TMEM135: variants seen among roughly 807,000 people sequenced by gnomAD.
TMEM135 encodes the protein transmembrane protein 135.
TMEM135 carries 30 observed loss-of-function variants against 60.3 expected under a neutral mutation model. The observed-to-expected ratio is 0.50, with a 90% CI of 0.37 to 0.68. The LOEUF is 0.68. Ranked by LOEUF, TMEM135 falls within the 30% of genes least tolerant of loss-of-function variation. TMEM135 has a pLI of 0.00. For synonymous variants in TMEM135, 190 were observed against 186.7 expected, an observed-to-expected ratio of 1.02 and a Z score of -0.14; for missense variants, 468 against 548.8, an observed-to-expected ratio of 0.85 and a Z score of 1.47.
chr11:87,292,092 C>T (rs531761328), intron 6 of TMEM135, among the ~76,000 whole-genome samples: 48 of 152,258 alleles, frequency 3.2e-4, no homozygotes, highest in East Asian at 9.7e-4. Flanking sequence ...TTACCTCAAA[C>T]GGAAATGCTC....
At chr11:87,043,130 T>A (rs1351312749) in intron 1 of TMEM135, among the ~76,000 whole-genome samples, 1 of 151,612 alleles carries the variant, frequency 6.6e-6, no homozygotes, top group Non-Finnish European at 1.5e-5. Context: ...TAATTTTGTA[T>A]TTTTAGTAGA....
chr11:87,299,398 C>T (rs1304388188), intron 7 of TMEM135, among the ~76,000 whole-genome samples: 3 of 152,134 alleles, frequency 2.0e-5, no homozygotes, highest in African/African-American at 7.2e-5. Context: ...AGAACTAATT[C>T]ACTATCATGA....
At chr11:87,263,195 A>T (rs1198882055) in intron 6 of TMEM135, among the ~76,000 whole-genome samples, 1 of 152,200 alleles carries the variant, frequency 6.6e-6, no homozygotes, top group Non-Finnish European at 1.5e-5. Flanking sequence ...TGAGCAATCA[A>T]TGTGCATATT....
At chr11:87,083,391 G>A (rs1013222961) in intron 3 of TMEM135, among the ~76,000 whole-genome samples, 4 of 152,158 alleles carry the variant, frequency 2.6e-5, no homozygotes, top group Non-Finnish European at 4.4e-5. Flanking sequence ...ATTTTGTTTT[G>A]TAGAATTGCT....
At chr11:87,221,188 C>T (rs1260228516) in intron 5 of TMEM135, among the ~76,000 whole-genome samples, 1 of 152,118 alleles carries the variant, frequency 6.6e-6, no homozygotes, top group Non-Finnish European at 1.5e-5. Context: ...AGGTTGTGAA[C>T]ATAATTGAGG....
chr11:87,196,689 A>G lies in TMEM135; in HGVS notation c.462+39283A>G, dbSNP rs555287740. 1.3e-3 allele frequency among the ~76,000 whole-genome samples: 200 copies of G among 152,286 alleles called. 1 individual carries two copies. Among genetic ancestry groups the G allele is most frequent in the Non-Finnish European group, 2.5e-3 (168 of 67,986 alleles). The stretch of plus-strand genomic sequence containing the variant: ...GTAGACTTCAAATATACTTATGTAC[A>G]TTCTAGCCACTTATTCAGAATTTCC... On this transcript the variant is annotated intron_variant, in intron 5 of 14. Coordinates refer to ENST00000305494, the MANE Select transcript of TMEM135 (RefSeq NM_022918.4).
chr11:87,087,004 G>C (rs563583077), intron 3 of TMEM135, among the ~76,000 whole-genome samples: 2 of 152,264 alleles, frequency 1.3e-5, no homozygotes, highest in South Asian at 4.2e-4. Context: ...GCTGTTTTGG[G>C]AAAATGGCAG....
chr11:87,095,355 A>G (rs1591014997), intron 4 of TMEM135: 1 of 215,984 alleles, frequency 4.6e-6, no homozygotes, highest in East Asian at 1.1e-4. Context: ...CCAATTTTTC[A>G]GTTTTCTACC....
intron 6 of TMEM135, among the ~76,000 whole-genome samples, chr11:87,290,660 A>G (rs146784933): frequency 6.6e-6 from 1 of 152,312 alleles, no homozygotes; most frequent in East Asian, 1.9e-4. Context: ...GAGCTTCTTT[A>G]TACTTTCCTG....
At chr11:87,246,991 T>G (rs1941293988) in intron 6 of TMEM135, among the ~76,000 whole-genome samples, 1 of 145,854 alleles carries the variant, frequency 6.9e-6, no homozygotes, top group African/African-American at 2.6e-5. Flanking sequence ...TTTTATCTAC[T>G]TTTGGTCTTT....
intron 3 of TMEM135, among the ~76,000 whole-genome samples, chr11:87,089,186 C>G (rs543591238): frequency 6.6e-6 from 1 of 152,268 alleles, no homozygotes; most frequent in African/African-American, 2.4e-5. Flanking sequence ...GGAAACACTT[C>G]TAGTCTCAGG....
chr11:87,307,773 A>G (rs1942577450), intron 9 of TMEM135, among the ~76,000 whole-genome samples: 1 of 152,212 alleles, frequency 6.6e-6, no homozygotes, highest in Admixed American at 6.5e-5. Flanking sequence ...TCATTATTTT[A>G]CAAACTTAAT....
In TMEM135 at chr11:87,283,132, C is replaced by T. The variant is rs373633029; in HGVS notation, c.510-12650C>T. ...GGTGGATCACCTGAGGTCGGGAGTT[C>T]GAGACCAGCCTGGCCAACATGGTGA... On this transcript the variant is annotated intron_variant, in intron 6 of 14. Coordinates refer to ENST00000305494, the MANE Select transcript of TMEM135 (RefSeq NM_022918.4). 1.6e-3 allele frequency among the ~76,000 whole-genome samples: 246 copies of T among 151,634 alleles called. 1 individual carries two copies. The highest frequency in any genetic ancestry group is 5.6e-3 in the African/African-American group (233 of 41,334).
chr11:87,162,096 A>G (rs1938896071), intron 5 of TMEM135, among the ~76,000 whole-genome samples: 1 of 152,220 alleles, frequency 6.6e-6, no homozygotes, highest in African/African-American at 2.4e-5. Context: ...AAGCAAGTAT[A>G]TGGATTAAAA....
At chr11:87,151,815 T>C (rs924132201) in intron 4 of TMEM135, among the ~76,000 whole-genome samples, 3 of 152,042 alleles carry the variant, frequency 2.0e-5, no homozygotes, top group Non-Finnish European at 4.4e-5. Context: ...ATATAGTAGG[T>C]GGTGAGGTGG....
rs553143001 is a variant in TMEM135, at chr11:87,116,470, CTT to C, written c.396+25078_396+25079del. Reference sequence around the variant, plus strand: ...TTATTACTGGGTGGCCCACTTGAAACTTTTCAGAAACTTAATTGATTCCAGAT... The same window carrying C: ...TTATTACTGGGTGGCCCACTTGAAACTTCAGAAACTTAATTGATTCCAGAT... On this transcript the variant is annotated intron_variant, in intron 4 of 14. Transcript: ENST00000305494. Among the ~76,000 whole-genome samples the C allele has an allele frequency of 2.0e-5, 3 of 152,218 alleles. No individual in the cohort carries two copies. In the South Asian group the frequency reaches 6.2e-4, roughly 32 times the overall value.
rs530603220 is a variant in TMEM135 at position 87,211,779 on chromosome 11, C to T, written c.463-24859C>T. Among the ~76,000 whole-genome samples, 303 of 152,164 alleles carry T rather than the reference C, an allele frequency of 2.0e-3. 6 individuals are homozygous for T. The highest frequency in any genetic ancestry group is 6.8e-3 in the African/African-American group (284 of 41,540). Reference sequence around the variant, plus strand: ...CTAACACGGTGAAACCCCGTCTCTACTAAAAATACAAAAAATTAGCTGGGC... The same window carrying T: ...CTAACACGGTGAAACCCCGTCTCTATTAAAAATACAAAAAATTAGCTGGGC... On this transcript the variant is annotated intron_variant, in intron 5 of 14. Coordinates refer to ENST00000305494, the MANE Select transcript of TMEM135 (RefSeq NM_022918.4).
intron 8 of TMEM135, among the ~76,000 whole-genome samples, chr11:87,304,168 T>G (rs1349978126): frequency 6.6e-6 from 1 of 152,124 alleles, no homozygotes; most frequent in Non-Finnish European, 1.5e-5. Flanking sequence ...GCCAGGAGTT[T>G]GAGACCAGCC....
rs1385207650 is a variant in TMEM135, at chr11:87,325,263, C to G, written c.*3930C>G. 1.3e-5 allele frequency: 6 copies of G among 453,840 alleles called. No homozygotes were observed. The highest frequency in any genetic ancestry group is 2.6e-5 in the Non-Finnish European group (6 of 226,788). 28.1% of individuals were successfully genotyped at this position (453,840 alleles called of 1,614,324 possible). On this transcript the variant is annotated 3_prime_UTR_variant, in exon 15 of 15. Coordinates refer to ENST00000305494, the MANE Select transcript of TMEM135 (RefSeq NM_022918.4). ...TAACTACAAAGAAATGAAACTGACT[C>G]TAGTGTGTGTGACTTCTGGAAACAG...
Sources: allele counts gnomAD v4.1 joint callset (sites outside exome capture counted in the v4.1 genomes callset), GRCh38; gene constraint gnomAD v4.1.1; transcripts MANE v1.5; gene names NCBI Gene and HGNC (gene_info 2026-07-23, HGNC 2026-07-21).